Variants in NRF1 observed in about 807,000 individuals in gnomAD.
The protein encoded by NRF1 is alpha palindromic-binding protein.
Under a neutral mutation model 58.5 loss-of-function variants are expected in NRF1, and 5 were observed. That is an observed-to-expected ratio of 0.09 (90% CI 0.04 to 0.18). NRF1 has a LOEUF of 0.18. Ranked by LOEUF, NRF1 falls within the 10% of genes least tolerant of loss-of-function variation. The pLI is 1.00. For missense variants in NRF1, 288 were observed against 657.7 expected (o/e 0.44, Z 6.15); for synonymous variants, 224 against 246.7 (o/e 0.91, Z 0.86).
chr7:129,742,727 G>A (rs1803877438), intron 10 of NRF1, among the ~76,000 whole-genome samples: 1 of 152,190 alleles, frequency 6.6e-6, no homozygotes, highest in Non-Finnish European at 1.5e-5. Flanking sequence ...CAGTGTGAGT[G>A]TATGTGTCTG....
chr7:129,651,371 G>C (rs1445532038), intron 1 of NRF1, among the ~76,000 whole-genome samples: 1 of 145,790 alleles, frequency 6.9e-6, no homozygotes, highest in Non-Finnish European at 1.5e-5. Flanking sequence ...TGTGAGCCAA[G>C]ATCACACCAC....
In NRF1 at chr7:129,625,174, T is replaced by C. The variant is rs138854037; in HGVS notation, c.-7+13350T>C. On this transcript the variant is annotated intron_variant, in intron 1 of 10. Coordinates refer to ENST00000393232, the MANE Select transcript of NRF1 (RefSeq NM_005011.5). Reference sequence around the variant, plus strand: ...TACATCACTCCAGTTTCTGCCTCCATGGTCTCATTGTCTCCTCTCCGTGTA... The same window carrying C: ...TACATCACTCCAGTTTCTGCCTCCACGGTCTCATTGTCTCCTCTCCGTGTA... Among the ~76,000 whole-genome samples the C allele has an allele frequency of 6.6e-5, 10 of 152,288 alleles. No individual in the cohort carries two copies. The East Asian group carries it at 1.7e-3, about 26-fold the overall frequency.
intron 2 of NRF1, among the ~76,000 whole-genome samples, chr7:129,670,028 G>C (rs562358224): frequency 2.2e-4 from 33 of 152,344 alleles, no homozygotes; most frequent in African/African-American, 7.9e-4. Context: ...ACAAGGAAAT[G>C]CTGTCATATG....
chr7:129,643,603 C>T (rs1325686874), intron 1 of NRF1, among the ~76,000 whole-genome samples: 1 of 152,196 alleles, frequency 6.6e-6, no homozygotes. Flanking sequence ...CTTTCTAAAC[C>T]AGGGATAGCT....
At chr7:129,751,172 G>T (rs1804106907) in intron 10 of NRF1, among the ~76,000 whole-genome samples, 1 of 152,232 alleles carries the variant, frequency 6.6e-6, no homozygotes, top group Non-Finnish European at 1.5e-5. Flanking sequence ...GCATGGAGGT[G>T]TGTGCTTGGA....
rs1305902009 is a variant in NRF1, at chr7:129,696,072, A to AC, written c.606+5526_606+5527insC. ...ACCCCGTCTCTACTAAAAAAAAAAA[A>AC]AAAAAAAAAAAAAACAACCAAATTA... is the stretch of plus-strand genomic sequence containing the variant. On this transcript the variant is annotated intron_variant, in intron 5 of 10. Transcript: ENST00000393232. Among the ~76,000 whole-genome samples the AC allele has an allele frequency of 6.7e-3, 944 of 141,944 alleles. 19 individuals carry two copies. The highest frequency in any genetic ancestry group is 0.012 in the Non-Finnish European group (775 of 65,804). 93.1% of individuals were successfully genotyped at this position (141,944 alleles called of 152,430 possible).
At chr7:129,645,738 G>A (rs973378310) in intron 1 of NRF1, among the ~76,000 whole-genome samples, 8 of 152,116 alleles carry the variant, frequency 5.3e-5, no homozygotes, top group African/African-American at 1.9e-4. Context: ...TTAAAGAGTA[G>A]GTCAGATAGA....
chr7:129,675,259 G>A (rs558890127), intron 3 of NRF1, among the ~76,000 whole-genome samples: 6 of 152,258 alleles, frequency 3.9e-5, no homozygotes, highest in South Asian at 2.1e-4. Context: ...TACTGCATCC[G>A]CAGTTACTTC....
chr7:129,622,861 C>T (rs1199310430), intron 1 of NRF1, among the ~76,000 whole-genome samples: 1 of 152,154 alleles, frequency 6.6e-6, no homozygotes, highest in Non-Finnish European at 1.5e-5. Context: ...TGAGCCACTG[C>T]GACCAGCTGG....
At chr7:129,649,885 C>T (rs1801497800) in intron 1 of NRF1, among the ~76,000 whole-genome samples, 1 of 152,162 alleles carries the variant, frequency 6.6e-6, no homozygotes, top group Non-Finnish European at 1.5e-5. Flanking sequence ...TCCTGAGTAG[C>T]TGGGGCTATA....
chr7:129,612,607 C>T (rs1800561529), intron 1 of NRF1, among the ~76,000 whole-genome samples: 1 of 152,220 alleles, frequency 6.6e-6, no homozygotes, highest in South Asian at 2.1e-4. Context: ...CGCGGTTCTT[C>T]CTGTGCCTGG....
intron 5 of NRF1, among the ~76,000 whole-genome samples, chr7:129,702,047 T>A (rs1335035508): frequency 2.0e-5 from 3 of 152,202 alleles, no homozygotes; most frequent in Non-Finnish European, 4.4e-5. Flanking sequence ...TATGTAAATG[T>A]ATAGAATTTG....
At chr7:129,623,149 C>G (rs1035099341) in intron 1 of NRF1, among the ~76,000 whole-genome samples, 1 of 152,096 alleles carries the variant, frequency 6.6e-6, no homozygotes, top group Non-Finnish European at 1.5e-5. Flanking sequence ...AAAGCTAAAT[C>G]CTGGGTTAAC....
intron 1 of NRF1, among the ~76,000 whole-genome samples, chr7:129,621,823 C>G (rs1416349791): frequency 6.7e-6 from 1 of 149,708 alleles, no homozygotes; most frequent in Non-Finnish European, 1.5e-5. Context: ...CGCTCTGTCG[C>G]CCGGGCTGGA....
chr7:129,611,931 C>G (rs1162373857), intron 1 of NRF1, 107 bp downstream of exon 1: 2 of 148,510 alleles, frequency 1.3e-5, no homozygotes, highest in East Asian at 3.9e-4. Context: ...CACCCTGCCG[C>G]CCCCGGCTCT....
chr7:129,720,663 G>A (rs73472407), intron 9 of NRF1, among the ~76,000 whole-genome samples: 3,245 of 152,220 alleles, frequency 0.021, 110 homozygotes, highest in African/African-American at 0.072. Context: ...GGAATAAGGA[G>A]GCAGAGGGGC....
intron 9 of NRF1, among the ~76,000 whole-genome samples, chr7:129,722,393 GAAA>G (rs113582154): frequency 1.5e-5 from 2 of 130,008 alleles, no homozygotes; most frequent in Non-Finnish European, 1.7e-5. Flanking sequence ...CTCCGTCTCA[GAAA>G]AAAAAAAAAA....
chr7:129,622,895 A>G (rs1334997801), intron 1 of NRF1, among the ~76,000 whole-genome samples: 7 of 152,200 alleles, frequency 4.6e-5, no homozygotes, highest in Non-Finnish European at 1.0e-4. Flanking sequence ...CTAAGCACAC[A>G]TGGATATACA....
At chr7:129,719,497 A>AAC (rs67443980) in intron 9 of NRF1, among the ~76,000 whole-genome samples, 6,044 of 141,840 alleles carry the variant, frequency 0.043, 137 homozygotes, top group South Asian at 0.048. Flanking sequence ...AGGAAACTGA[A>AAC]ACACACACAC....
Sources: gnomAD v4.1 joint callset for allele counts (sites outside exome capture counted in the v4.1 genomes callset) on GRCh38, gnomAD v4.1.1 for gene constraint, MANE v1.5 for transcripts, NCBI Gene and HGNC (gene_info 2026-07-23, HGNC 2026-07-21) for gene names.